Variants in ASB2 observed in about 807,000 individuals in gnomAD.
ASB2 encodes the protein ankyrin repeat and SOCS box protein 2.
Under a neutral mutation model 62.4 loss-of-function variants are expected in ASB2, and 58 were observed. The observed-to-expected ratio is 0.93, with a 90% confidence interval of 0.75 to 1.16. The LOEUF (loss-of-function observed/expected upper bound fraction) is 1.16, where lower values mean the gene tolerates loss of function less well. ASB2 is among the 50% of genes most tolerant of loss of function. The pLI, the probability that ASB2 is intolerant of heterozygous loss-of-function variation, is 0.00. For missense variants in ASB2, 928 were observed against 887.9 expected (o/e 1.05, Z -0.57); for synonymous variants, 386 against 385.3 (o/e 1.00, Z -0.02).
In ASB2 at chr14:93,947,458, C is replaced by T; in HGVS notation, c.943G>A (p.Glu315Lys). 6.2e-7 allele frequency: 1 copy of T among 1,614,258 alleles called. No individual in the cohort carries two copies. Among genetic ancestry groups the T allele is most frequent in the Non-Finnish European group, 8.5e-7 (1 of 1,180,048 alleles). The change falls in exon 7 of 10, where the codon GAG becomes AAG. Residue 315 changes from glutamate (E) to lysine (K), a missense_variant. Transcript: ENST00000555019. ...ASALYEACKN[E>K]HEEVVEFLLS... ...AGAAACTCCACCACCTCCTCATGCT[C>T]ATTCTTGCAGGCCTCGTAGAGGGCA...
chr14:93,938,372 T>C (rs1211781477), intron 8 of ASB2, among the ~76,000 whole-genome samples: 1 of 151,004 alleles, frequency 6.6e-6, no homozygotes, highest in Non-Finnish European at 1.5e-5. Flanking sequence ...CCCGAGCACC[T>C]GGGACTACAG....
At chr14:93,958,949 G>A (rs1190526760) in intron 2 of ASB2, among the ~76,000 whole-genome samples, 1 of 152,218 alleles carries the variant, frequency 6.6e-6, no homozygotes, top group Non-Finnish European at 1.5e-5. Flanking sequence ...GCATAGTAAT[G>A]GCAGCAGCAA....
intron 3 of ASB2, among the ~76,000 whole-genome samples, chr14:93,956,327 C>T (rs370665865): frequency 6.6e-6 from 1 of 152,194 alleles, no homozygotes; most frequent in African/African-American, 2.4e-5. Context: ...TTTGGATGTA[C>T]CCACAGCGAT....
chr14:93,963,669 T>C (rs979407031), intron 2 of ASB2, among the ~76,000 whole-genome samples: 1 of 152,220 alleles, frequency 6.6e-6, no homozygotes, highest in East Asian at 1.9e-4. Flanking sequence ...GGTAACAATC[T>C]GATTCATAAT....
intron 2 of ASB2, among the ~76,000 whole-genome samples, chr14:93,963,573 C>T (rs541387458): frequency 6.6e-6 from 1 of 152,284 alleles, no homozygotes; most frequent in South Asian, 2.1e-4. Context: ...CTAGGGAGCG[C>T]TTGAAACGTG....
rs543728476 is a variant in ASB2 at position 93,974,673 on chromosome 14, T to G, written c.-74+1761A>C. On this transcript the variant is annotated intron_variant, in intron 1 of 9. Transcript: ENST00000555019. ...GGACCTTGCAGACCAAAAGGTCAGA[T>G]TCCTGACTCCAACACTTGCAGCCGT... is the stretch of plus-strand genomic sequence containing the variant. Among the ~76,000 whole-genome samples, 21 of 152,328 alleles carry G rather than the reference T, an allele frequency of 1.4e-4. No homozygotes were observed. In the East Asian group the frequency reaches 4.0e-3, roughly 29 times the overall value.
At chr14:93,939,791 T>A in intron 7 of ASB2, 119 bp from the exon 8 acceptor site, 1 of 803,372 alleles carries the variant, frequency 1.2e-6, no homozygotes, top group Non-Finnish European at 1.8e-6. Context: ...GACCGCGGGC[T>A]GCGACGCGGA....
intron 2 of ASB2, among the ~76,000 whole-genome samples, chr14:93,962,974 G>A (rs1889461566): frequency 6.6e-6 from 1 of 152,188 alleles, no homozygotes; most frequent in East Asian, 1.9e-4. Context: ...CGTCCTCGGG[G>A]GCAGCTTAGT....
chr14:93,962,377 G>A (rs1455008533), intron 2 of ASB2, among the ~76,000 whole-genome samples: 1 of 152,166 alleles, frequency 6.6e-6, no homozygotes, highest in African/African-American at 2.4e-5. Context: ...TCTATCTAAG[G>A]GGTTTTTCTT....
At chr14:93,974,998 G>C (rs1210083661) in intron 1 of ASB2, among the ~76,000 whole-genome samples, 1 of 152,252 alleles carries the variant, frequency 6.6e-6, no homozygotes, top group African/African-American at 2.4e-5. Flanking sequence ...CGGAGCTGCT[G>C]CCAGCTTCTT....
intron 8 of ASB2, among the ~76,000 whole-genome samples, chr14:93,938,901 C>A (rs1343023202): frequency 6.6e-6 from 1 of 152,352 alleles, no homozygotes; most frequent in Non-Finnish European, 1.5e-5. Flanking sequence ...GCCCTAAGCG[C>A]TAACCCACGC....
intron 5 of ASB2, among the ~76,000 whole-genome samples, chr14:93,952,201 G>A (rs1026468247): frequency 1.3e-5 from 2 of 152,240 alleles, no homozygotes; most frequent in Non-Finnish European, 2.9e-5. Flanking sequence ...ACCTTCTTGA[G>A]CAGATGCTAT....
chr14:93,974,414 G>T (rs1889850450), intron 1 of ASB2, among the ~76,000 whole-genome samples: 1 of 152,238 alleles, frequency 6.6e-6, no homozygotes, highest in Non-Finnish European at 1.5e-5. Flanking sequence ...GTGACAGCTG[G>T]CTCCTGTGGG....
chr14:93,957,282 G>T, intron 2 of ASB2: 1 of 1,128,262 alleles, frequency 8.9e-7, no homozygotes, highest in Non-Finnish European at 1.1e-6. Flanking sequence ...TCCCTGCGGG[G>T]CTGGATGAGA....
intron 8 of ASB2, 139 bp from the exon 9 acceptor site, chr14:93,937,990 C>G: frequency 2.3e-6 from 2 of 875,976 alleles, no homozygotes; most frequent in East Asian, 2.7e-5. Flanking sequence ...GTCCCCTCAA[C>G]ACAGGCTTCT....
At position 93,947,504 on chromosome 14, in the gene ASB2, C is replaced by T. The variant is rs758154122; in HGVS notation, c.897G>A (p.Thr299=). The T allele has an allele frequency of 4.3e-6, 7 of 1,613,832 alleles. No homozygotes were observed. Among genetic ancestry groups the T allele is most frequent in the Non-Finnish European group, 5.9e-6 (7 of 1,180,024 alleles). ...FLAKYGADIN[T]QASDNASALY... The stretch of plus-strand genomic sequence containing the variant: ...GGGCAGACGCGTTGTCGCTGGCCTG[C>T]GTGTTGATGTCAGCACCTGGGGAAG... Residue 299 remains threonine (T), a synonymous_variant, in exon 7 of 10, where the codon ACG becomes ACA. Transcript: ENST00000555019.
At chr14:93,956,619 G>T (rs1200742483) in intron 3 of ASB2, 147 bp downstream of exon 3, 2 of 1,077,682 alleles carry the variant, frequency 1.9e-6, no homozygotes, top group Non-Finnish European at 2.7e-6. Context: ...GCCCCAGGGG[G>T]GCACCCCTAG....
chr14:93,962,146 G>T (rs1445893867), intron 2 of ASB2, among the ~76,000 whole-genome samples: 2 of 98,214 alleles, frequency 2.0e-5, no homozygotes, highest in Non-Finnish European at 1.8e-5. Flanking sequence ...ATGGAGTCTC[G>T]CTCTGTCGCC....
At chr14:93,955,559 G>A (rs891420182) in intron 3 of ASB2, 8 of 175,700 alleles carry the variant, frequency 4.6e-5, no homozygotes, top group African/African-American at 1.7e-4. Flanking sequence ...TTCCTGGAGT[G>A]TCTCCAAAGG....
Sources: gnomAD v4.1 joint callset for allele counts (sites outside exome capture counted in the v4.1 genomes callset) on GRCh38, gnomAD v4.1.1 for gene constraint, MANE v1.5 for transcripts, NCBI Gene and HGNC (gene_info 2026-07-23, HGNC 2026-07-21) for gene names.